ITCH: variants seen among roughly 807,000 people sequenced by gnomAD.
ITCH encodes itchy E3 ubiquitin protein ligase.
In ITCH, 28 loss-of-function variants were observed where a neutral mutation model predicts 126.8. The ratio of observed to expected loss-of-function variants is 0.22; its 90% CI spans 0.16 to 0.30. The LOEUF (loss-of-function observed/expected upper bound fraction) is 0.30, where lower values mean the gene tolerates loss of function less well. ITCH is among the 10% of genes least tolerant of loss of function. ITCH has a pLI of 1.00. For synonymous variants in ITCH, 342 were observed against 340.0 expected (o/e 1.01, Z -0.06); for missense variants, 631 against 1,032.4 (o/e 0.61, Z 5.33).
chr20:34,472,457 T>G (rs1249107909), intron 16 of ITCH, among the ~76,000 whole-genome samples: 1 of 150,820 alleles, frequency 6.6e-6, no homozygotes, highest in African/African-American at 2.4e-5. Flanking sequence ...CTACTGCAAC[T>G]AAATGTTAAA....
intron 11 of ITCH, among the ~76,000 whole-genome samples, chr20:34,445,953 A>G (rs1235985978): frequency 1.3e-5 from 2 of 152,194 alleles, no homozygotes; most frequent in Admixed American, 6.5e-5. Flanking sequence ...TATGCTTACT[A>G]TATTATTCTG....
rs979194011 is a variant in ITCH, at chr20:34,412,617, A to G, written c.315A>G (p.Thr105=). 1 of 1,608,076 alleles carries G rather than the reference A, an allele frequency of 6.2e-7. No homozygotes were observed. The highest frequency in any genetic ancestry group is 1.3e-5 in the African/African-American group (1 of 74,810). The change falls in exon 5 of 25, where the codon ACA becomes ACG. Residue 105 remains threonine (T), a synonymous_variant. Transcript: ENST00000374864. ...LGTAALDIYE[T]LKSNNMKLEE... is the part of the protein sequence containing the mutation. ...CTGCTGCATTAGATATTTATGAAAC[A>G]TTAAAGTCAAACAATATGAAACGTA...
chr20:34,415,850 GCGGTGGCT>G (rs1979756158), intron 6 of ITCH, among the ~76,000 whole-genome samples: 1 of 152,166 alleles, frequency 6.6e-6, no homozygotes. Flanking sequence ...ATTGCTGGAC[GCGGTGGCT>G]CACGCCTGTA....
rs371644419 is a variant in ITCH, at chr20:34,490,575, A to G, written c.2319+649A>G. 2.6e-4 allele frequency among the ~76,000 whole-genome samples: 40 copies of G among 152,318 alleles called. No individual in the cohort carries two copies. In the East Asian group the frequency reaches 5.0e-3, roughly 19 times the overall value. On this transcript the variant is annotated intron_variant, in intron 22 of 24. Transcript: ENST00000374864. ...GGAGAATCACTTGAACCTGGAAGGC[A>G]GAGGTTGCAGTAAGCCAAGTTCGCA...
Position 34,459,122 on chromosome 20 carries a change from C to T in ITCH, c.1295+1648C>T, listed in dbSNP as rs1467776644. On this transcript the variant is annotated intron_variant, in intron 13 of 24. Transcript: ENST00000374864. ...AACTGTCTACAAATTTGGGGGCCCC[C>T]ACCACCACTCTTAGGTATGATAAGT... Among the ~76,000 whole-genome samples the T allele has an allele frequency of 2.6e-5, 4 of 152,132 alleles. No individual in the cohort carries two copies. In the East Asian group the frequency reaches 7.7e-4, roughly 29 times the overall value.
intron 7 of ITCH, 32 bp from the exon 8 acceptor site, chr20:34,438,442 C>G (rs757915029): frequency 3.1e-6 from 5 of 1,610,398 alleles, no homozygotes; most frequent in Non-Finnish European, 3.4e-6. Flanking sequence ...TTATTTCCCT[C>G]TCCCCCTTCC....
At chr20:34,423,648 G>T (rs1981100109) in intron 6 of ITCH, among the ~76,000 whole-genome samples, 1 of 152,004 alleles carries the variant, frequency 6.6e-6, no homozygotes, top group African/African-American at 2.4e-5. Context: ...TTGTTGCCCA[G>T]ACTGGAGTGC....
In ITCH at chr20:34,469,712, T is replaced by C. The variant is rs192438299; in HGVS notation, c.1425-336T>C. Among the ~76,000 whole-genome samples the C allele has an allele frequency of 1.3e-4, 20 of 152,110 alleles. No homozygotes were observed. In the East Asian group the frequency reaches 3.9e-3, roughly 29 times the overall value. ...TTCTACTTAGTTAAATAGCAAGGGT[T>C]TTACTTAAAGATAAAGGAGGGAATT... On this transcript the variant is annotated intron_variant, in intron 14 of 24. Transcript: ENST00000374864.
intron 1 of ITCH, among the ~76,000 whole-genome samples, chr20:34,368,684 G>A (rs1318908278): frequency 6.6e-6 from 1 of 152,176 alleles, no homozygotes; most frequent in Non-Finnish European, 1.5e-5. Flanking sequence ...CAGTCTAGCA[G>A]TGTACTGTCC....
intron 7 of ITCH, among the ~76,000 whole-genome samples, chr20:34,433,419 G>A (rs1381072288): frequency 2.6e-5 from 4 of 152,136 alleles, no homozygotes; most frequent in East Asian, 3.9e-4. Context: ...GGTGGCTCAC[G>A]CCTGTAATCA....
intron 1 of ITCH, among the ~76,000 whole-genome samples, chr20:34,365,056 C>T (rs772642843): frequency 2.6e-5 from 4 of 151,394 alleles, no homozygotes; most frequent in Non-Finnish European, 4.4e-5. Flanking sequence ...AAAGATTTGC[C>T]GGGTGTGGTG....
At chr20:34,394,346 G>A (rs1035638970) in intron 3 of ITCH, among the ~76,000 whole-genome samples, 1 of 151,814 alleles carries the variant, frequency 6.6e-6, no homozygotes, top group African/African-American at 2.4e-5. Context: ...AATATTCTTG[G>A]ATATTTTACA....
chr20:34,412,724 A>T, intron 5 of ITCH, 85 bp downstream of exon 5: 1 of 1,115,962 alleles, frequency 9.0e-7, no homozygotes. Flanking sequence ...ATAATGACTC[A>T]TGTTCTCTCA....
At chr20:34,479,390 C>A (rs558612675) in intron 17 of ITCH, among the ~76,000 whole-genome samples, 1 of 152,220 alleles carries the variant, frequency 6.6e-6, no homozygotes, top group African/African-American at 2.4e-5. Flanking sequence ...AATAAAGGTG[C>A]AATGTTGTCT....
chr20:34,416,519 G>T (rs533091182), intron 6 of ITCH, among the ~76,000 whole-genome samples: 3 of 152,184 alleles, frequency 2.0e-5, no homozygotes, highest in East Asian at 1.9e-4. Flanking sequence ...TTGGACCTTT[G>T]GGGGGAAAAA....
intron 12 of ITCH, among the ~76,000 whole-genome samples, chr20:34,456,366 C>G (rs796647307): frequency 6.9e-6 from 1 of 144,622 alleles, no homozygotes; most frequent in African/African-American, 2.5e-5. Flanking sequence ...CTTCTCTGTC[C>G]CATTACCAAT....
At position 34,424,570 on chromosome 20, in the gene ITCH, T is replaced by C. The variant is rs368478476; in HGVS notation, c.521+45T>C. The stretch of plus-strand genomic sequence containing the variant: ...TTACCACAGAATGCGGAGAGATAGA[T>C]TTCCTAAATATTCATTTTAGTGTAA... On this transcript the variant is annotated intron_variant, in intron 7 of 24. Coordinates refer to ENST00000374864, the MANE Select transcript of ITCH (RefSeq NM_031483.7). 8 of 1,471,404 alleles carry C rather than the reference T, an allele frequency of 5.4e-6. No individual in the cohort carries two copies. In the African/African-American group the frequency reaches 9.7e-5, roughly 18 times the overall value. 91.1% of individuals were successfully genotyped at this position (1,471,404 alleles called of 1,614,324 possible). A position where few individuals can be genotyped will look rare whatever the true frequency, so the allele number is the denominator to read the frequency against.
At chr20:34,373,304 G>T (rs2037710967) in intron 2 of ITCH, among the ~76,000 whole-genome samples, 1 of 147,928 alleles carries the variant, frequency 6.8e-6, no homozygotes, top group African/African-American at 2.5e-5. Context: ...TTGAGGCAGA[G>T]TCTTGTTCTC....
intron 2 of ITCH, among the ~76,000 whole-genome samples, chr20:34,393,212 T>G (rs1035172020): frequency 8.5e-5 from 13 of 152,182 alleles, no homozygotes; most frequent in Admixed American, 7.9e-4. Context: ...AAGCATTGAC[T>G]TCTAAATGGG....
Sources: allele counts gnomAD v4.1 joint callset (sites outside exome capture counted in the v4.1 genomes callset), GRCh38; gene constraint gnomAD v4.1.1; transcripts MANE v1.5; gene names NCBI Gene and HGNC (gene_info 2026-07-23, HGNC 2026-07-21).